The following DOCK5 variants were observed in gnomAD, a reference collection of about 807,000 sequenced individuals.
The protein encoded by DOCK5 is dedicator of cytokinesis protein 5.
In DOCK5, 142 loss-of-function variants were observed where a neutral mutation model predicts 251.8. That is an observed-to-expected ratio of 0.56 (90% CI 0.49 to 0.65). The LOEUF (loss-of-function observed/expected upper bound fraction) is 0.65, where lower values mean the gene tolerates loss of function less well. Among genes scored for constraint, DOCK5 ranks in the 30% least tolerant of loss-of-function variants. The probability of loss-of-function intolerance (pLI) is 0.00; values close to 1 mark genes in which losing one functional copy is unlikely to be tolerated. For missense variants in DOCK5, 2,111 were observed against 2,312.3 expected (o/e 0.91, Z 1.79); for synonymous variants, 842 against 835.5 (o/e 1.01, Z -0.13).
chr8:25,256,524 A>G (rs928428283), intron 2 of DOCK5, among the ~76,000 whole-genome samples: 3 of 151,894 alleles, frequency 2.0e-5, no homozygotes, highest in Non-Finnish European at 4.4e-5. Context: ...CTGTAATCCT[A>G]ACTACTTGGG....
chr8:25,250,403 C>T (rs1429354003), intron 2 of DOCK5, among the ~76,000 whole-genome samples: 1 of 152,236 alleles, frequency 6.6e-6, no homozygotes, highest in Non-Finnish European at 1.5e-5. Flanking sequence ...TGCCTTTCTT[C>T]ATCTTTGGCA....
intron 11 of DOCK5, among the ~76,000 whole-genome samples, chr8:25,306,587 G>A (rs528396663): frequency 4.6e-5 from 7 of 151,604 alleles, no homozygotes; most frequent in Admixed American, 2.6e-4. Context: ...CCAGCTACTC[G>A]GGAGGCTGAG....
intron 1 of DOCK5, among the ~76,000 whole-genome samples, chr8:25,191,954 T>G (rs1388866304): frequency 7.8e-6 from 1 of 128,220 alleles, no homozygotes; most frequent in African/African-American, 3.0e-5. Context: ...TGTGTGATGT[T>G]CCCCGTCCTG....
intron 13 of DOCK5, among the ~76,000 whole-genome samples, chr8:25,312,898 C>G (rs914422788): frequency 2.6e-5 from 4 of 152,074 alleles, no homozygotes; most frequent in African/African-American, 9.7e-5. Context: ...CCGCTGCACT[C>G]CAGCCTGGGC....
intron 39 of DOCK5, among the ~76,000 whole-genome samples, chr8:25,382,325 G>A (rs569360013): frequency 2.4e-4 from 37 of 152,238 alleles, no homozygotes; most frequent in Non-Finnish European, 2.2e-4. Flanking sequence ...AAGTGCAGCC[G>A]CCTTCTGTGA....
intron 46 of DOCK5, 86 bp downstream of exon 46, chr8:25,400,080 C>G: frequency 9.8e-7 from 1 of 1,022,732 alleles, no homozygotes; most frequent in Non-Finnish European, 1.5e-6. Flanking sequence ...TACAAGCCCA[C>G]TCAGGGTGAC....
At chr8:25,187,211 C>T (rs1459043117) in intron 1 of DOCK5, among the ~76,000 whole-genome samples, 4 of 146,740 alleles carry the variant, frequency 2.7e-5, no homozygotes, top group Non-Finnish European at 6.0e-5. Context: ...AAAAAAAAAA[C>T]TATATATACA....
At position 25,228,511 on chromosome 8, in the gene DOCK5, G is replaced by A. The variant is rs190918059; in HGVS notation, c.44-15163G>A. On this transcript the variant is annotated intron_variant, in intron 1 of 51. Coordinates refer to ENST00000276440, the MANE Select transcript of DOCK5 (RefSeq NM_024940.8). The stretch of plus-strand genomic sequence containing the variant: ...CAGTGTGCCCACAATGGCAGCTCTG[G>A]TTCTACAGTCATATTTATACCACTT... 7.9e-5 allele frequency among the ~76,000 whole-genome samples: 12 copies of A among 152,280 alleles called. No individual in the cohort carries two copies. In the East Asian group the frequency reaches 2.3e-3, roughly 29 times the overall value.
chr8:25,374,692 TAC>T (rs758883235), intron 37 of DOCK5, 38 bp downstream of exon 37: 2 of 1,613,492 alleles, frequency 1.2e-6, no homozygotes. Context: ...CAGGGTGGAG[TAC>T]AGTGTCCTTT....
At chr8:25,254,710 G>A (rs1048389013) in intron 2 of DOCK5, among the ~76,000 whole-genome samples, 2 of 140,894 alleles carry the variant, frequency 1.4e-5, no homozygotes, top group African/African-American at 5.2e-5. Context: ...GGGAGGCAGA[G>A]GTTGCAGTGA....
intron 7 of DOCK5, among the ~76,000 whole-genome samples, 197 bp downstream of exon 7, chr8:25,296,845 G>A (rs572496351): frequency 7.9e-5 from 12 of 152,110 alleles, no homozygotes; most frequent in South Asian, 6.2e-4. Context: ...GCAAAGATAC[G>A]TATTAAGTGA....
At chr8:25,341,616 G>T in intron 23 of DOCK5, 123 bp from the exon 24 acceptor site, 3 of 776,678 alleles carry the variant, frequency 3.9e-6, no homozygotes, top group South Asian at 3.2e-5. Flanking sequence ...TTTATTGTAA[G>T]GGTATCTGTG....
intron 1 of DOCK5, among the ~76,000 whole-genome samples, chr8:25,198,770 C>T (rs904307902): frequency 1.3e-5 from 2 of 152,142 alleles, no homozygotes; most frequent in African/African-American, 4.8e-5. Context: ...CAGCTAGTAG[C>T]AAATTTTTGT....
intron 18 of DOCK5, among the ~76,000 whole-genome samples, chr8:25,329,704 C>T (rs1033173220): frequency 5.3e-5 from 8 of 152,064 alleles, no homozygotes; most frequent in Non-Finnish European, 7.3e-5. Flanking sequence ...TACCAGGAGA[C>T]GTATGAGAAT....
At chr8:25,190,805 A>T (rs1801565016) in intron 1 of DOCK5, among the ~76,000 whole-genome samples, 1 of 16,426 alleles carries the variant, frequency 6.1e-5, no homozygotes, top group Admixed American at 1.2e-3. Context: ...TTTTTTTGAG[A>T]CGGAGTCTTG....
At chr8:25,219,084 T>A (rs777855180) in intron 1 of DOCK5, among the ~76,000 whole-genome samples, 1 of 152,222 alleles carries the variant, frequency 6.6e-6, no homozygotes, top group Non-Finnish European at 1.5e-5. Flanking sequence ...ATTTACTGAC[T>A]TCCGCTATCT....
Position 25,260,354 on chromosome 8 carries a change from A to ACC in DOCK5, c.128-8487_128-8486dup, listed in dbSNP as rs200471079. On this transcript the variant is annotated intron_variant, in intron 2 of 51. Transcript: ENST00000276440. Reference sequence around the variant, plus strand: ...CTGCTCCTTCTCTGGGGTGCCGCCCACCCCCGCCCAGTCCCCACAAACACA... The same window carrying ACC: ...CTGCTCCTTCTCTGGGGTGCCGCCCACCCCCCCGCCCAGTCCCCACAAACACA... Among the ~76,000 whole-genome samples, 307 of 135,136 alleles carry ACC rather than the reference A, an allele frequency of 2.3e-3. 2 individuals carry two copies. Among genetic ancestry groups the ACC allele is most frequent in the African/African-American group, 7.7e-3 (278 of 36,086 alleles). 88.7% of individuals were successfully genotyped at this position (135,136 alleles called of 152,430 possible).
chr8:25,343,837 A>G (rs1242641179), intron 25 of DOCK5, among the ~76,000 whole-genome samples: 1 of 152,010 alleles, frequency 6.6e-6, no homozygotes, highest in Non-Finnish European at 1.5e-5. Flanking sequence ...ATGGAGTCTC[A>G]CTCTTTCGCC....
intron 44 of DOCK5, among the ~76,000 whole-genome samples, chr8:25,393,456 C>T (rs1801295389): frequency 1.3e-5 from 2 of 152,172 alleles, no homozygotes; most frequent in Admixed American, 1.3e-4. Flanking sequence ...TAAAGTCCTT[C>T]CATGGCTCCA....
Sources: allele counts gnomAD v4.1 joint callset (sites outside exome capture counted in the v4.1 genomes callset), GRCh38; gene constraint gnomAD v4.1.1; transcripts MANE v1.5; gene names NCBI Gene and HGNC (gene_info 2026-07-23, HGNC 2026-07-21).